Variants in NRP2 observed in about 807,000 individuals in gnomAD.
NRP2 encodes neuropilin 2, also known as neuropilin-2.
In NRP2, 52 loss-of-function variants were observed where a neutral mutation model predicts 110.4. That is an observed-to-expected ratio of 0.47 (90% CI 0.38 to 0.59). The LOEUF (loss-of-function observed/expected upper bound fraction) is 0.59. Among genes scored for constraint, NRP2 ranks in the 20% least tolerant of loss-of-function variants. The probability of loss-of-function intolerance (pLI) is 0.00; values close to 1 mark genes in which losing one functional copy is unlikely to be tolerated. For missense variants in NRP2, 1,049 were observed against 1,203.0 expected, an observed-to-expected ratio of 0.87 and a Z score of 1.89; for synonymous variants, 508 against 468.9, an observed-to-expected ratio of 1.08 and a Z score of -1.08.
intron 1 of NRP2, among the ~76,000 whole-genome samples, chr2:205,684,742 T>C (rs2056104230): frequency 1.3e-5 from 2 of 152,178 alleles, no homozygotes; most frequent in Non-Finnish European, 2.9e-5. Flanking sequence ...TTGGGGAGAT[T>C]TTCTGGGCCT....
In NRP2 at chr2:205,725,887, T is replaced by G; in HGVS notation, c.821-26T>G. 5 of 1,613,460 alleles carry G rather than the reference T, an allele frequency of 3.1e-6. No individual in the cohort carries two copies. Among genetic ancestry groups the G allele is most frequent in the Non-Finnish European group, 4.2e-6 (5 of 1,179,960 alleles). On this transcript the variant is annotated intron_variant, in intron 5 of 16. Transcript: ENST00000357785. This position sits in a 1 kb window ranked among gnomAD's most constrained non-coding sequence, Gnocchi z 4.1. ...GAGGTATGAGGTTGGAAGGCCTAACTGCATTTGACCGTCTGCTTTCCCCAG... is the reference window on the plus strand; with the variant it reads ...GAGGTATGAGGTTGGAAGGCCTAACGGCATTTGACCGTCTGCTTTCCCCAG...
At chr2:205,729,479 C>T (rs935226836) in intron 7 of NRP2, among the ~76,000 whole-genome samples, 46 of 152,156 alleles carry the variant, frequency 3.0e-4, no homozygotes, top group Non-Finnish European at 8.8e-5. Context: ...CTGGTTCCAC[C>T]CCACCCTTTT....
chr2:205,696,201 G>A (rs2056422368), intron 1 of NRP2, among the ~76,000 whole-genome samples: 2 of 152,204 alleles, frequency 1.3e-5, no homozygotes, highest in Non-Finnish European at 2.9e-5. Context: ...CAGGCCGGTA[G>A]TCTAAAGCAG....
intron 3 of NRP2, among the ~76,000 whole-genome samples, chr2:205,718,932 A>G (rs1209906698): frequency 9.5e-6 from 1 of 105,650 alleles, no homozygotes; most frequent in African/African-American, 3.3e-5. Context: ...ACAAGAGCGA[A>G]ATTCCATCTC....
In NRP2 at chr2:205,745,839, T is replaced by C; in HGVS notation, c.1735T>C (p.Ser579Pro). The change falls in exon 10 of 17, where the codon TCG (serine) becomes CCG (proline). Residue 579 changes from serine (S) to proline (P), a missense_variant. Coordinates refer to ENST00000357785, the MANE Select transcript of NRP2 (RefSeq NM_003872.3). ...TGTGCGGGTATACCCGGAGAGGTGG[T>C]CGCCGGCGGGGATTGGGATGCGGCT... Reference protein sequence around the residue: ...QYVRVYPERWSPAGIGMRLEV... With the variant: ...QYVRVYPERWPPAGIGMRLEV... The C allele has an allele frequency of 6.2e-7, 1 of 1,614,194 alleles. No individual in the cohort carries two copies. Among genetic ancestry groups the C allele is most frequent in the Non-Finnish European group, 8.5e-7 (1 of 1,180,014 alleles).
chr2:205,776,727 T>C, intron 15 of NRP2: 2 of 1,474,578 alleles, frequency 1.4e-6, no homozygotes, highest in South Asian at 2.8e-5. Context: ...TTTTTCCTTT[T>C]TGTTGATTCC....
chr2:205,782,351 C>A (rs773780397), intron 15 of NRP2, among the ~76,000 whole-genome samples: 8 of 152,088 alleles, frequency 5.3e-5, no homozygotes, highest in Non-Finnish European at 1.2e-4. Context: ...CCTCTTTTCT[C>A]GGAGTTTCAT....
chr2:205,716,070 C>A, intron 2 of NRP2, 123 bp from the exon 3 acceptor site: 1 of 1,036,626 alleles, frequency 9.6e-7, no homozygotes, highest in Non-Finnish European at 1.5e-6. Context: ...AAGTGCCCTT[C>A]GCTTATCCAT....
chr2:205,743,754 T>C, intron 9 of NRP2: 1 of 1,189,350 alleles, frequency 8.4e-7, no homozygotes, highest in African/African-American at 1.5e-5. Context: ...GTTTGTTTGT[T>C]TGTTTGTTTT....
intron 13 of NRP2, among the ~76,000 whole-genome samples, chr2:205,764,786 A>G (rs2057886747): frequency 1.3e-5 from 2 of 151,844 alleles, no homozygotes; most frequent in South Asian, 4.2e-4. Context: ...GACCTTCCCC[A>G]CCCCCATCTG....
chr2:205,740,069 C>T (rs1235397733), intron 7 of NRP2: 1 of 273,214 alleles, frequency 3.7e-6, no homozygotes, highest in Non-Finnish European at 7.1e-6. Context: ...CCGTGAAGCA[C>T]TTTGCAATTA....
intron 2 of NRP2, among the ~76,000 whole-genome samples, chr2:205,710,932 T>C (rs1428461131): frequency 6.6e-6 from 1 of 152,244 alleles, no homozygotes; most frequent in African/African-American, 2.4e-5. Flanking sequence ...ATTTTAATTA[T>C]AGTTGATTTG....
rs746130411 is a variant in NRP2 at position 205,745,852 on chromosome 2, T to C, written c.1748T>C (p.Ile583Thr). 1.9e-6 allele frequency: 3 copies of C among 1,614,128 alleles called. No individual in the cohort carries two copies. The highest frequency in any genetic ancestry group is 2.2e-5 in the South Asian group (2 of 91,080). The change falls in exon 10 of 17, where the codon ATT becomes ACT. Residue 583 changes from isoleucine to threonine, a missense_variant. Coordinates refer to ENST00000357785, the MANE Select transcript of NRP2 (RefSeq NM_003872.3). The part of the protein sequence containing the change: ...VYPERWSPAG[I>T]GMRLEVLGCD... ...CCGGAGAGGTGGTCGCCGGCGGGGA[T>C]TGGGATGCGGCTGGAGGTGCTGGGC...
intron 7 of NRP2, among the ~76,000 whole-genome samples, chr2:205,739,251 T>C (rs2057398722): frequency 6.6e-6 from 1 of 152,198 alleles, no homozygotes; most frequent in Admixed American, 6.5e-5. Context: ...GCTTAAAACC[T>C]AAAAACTTGG....
chr2:205,743,189 T>C lies in NRP2; in HGVS notation c.1292-14T>C. On this transcript the variant is annotated splice_polypyrimidine_tract_variant and intron_variant, in intron 8 of 16. Transcript: ENST00000357785. ...TCAGCCATGACCTCTTGTATCTTCCTCTCCTCTCTGCAGATGCTCCCTGCT... is the reference window on the plus strand; with the variant it reads ...TCAGCCATGACCTCTTGTATCTTCCCCTCCTCTCTGCAGATGCTCCCTGCT... The C allele has an allele frequency of 6.2e-7, 1 of 1,608,770 alleles. No homozygotes were observed. The highest frequency in any genetic ancestry group is 8.5e-7 in the Non-Finnish European group (1 of 1,179,962).
Position 205,795,000 on chromosome 2 carries a change from A to G in NRP2, c.2723A>G (p.Tyr908Cys), listed in dbSNP as rs755165430. 2 of 1,614,076 alleles carry G rather than the reference A, an allele frequency of 1.2e-6. No individual in the cohort carries two copies. Among genetic ancestry groups the G allele is most frequent in the South Asian group, 1.1e-5 (1 of 91,086 alleles). ...TTLENYNFEL[Y>C]DGLKHKVKMN... ...CTGGAGAACTACAACTTCGAGCTCT[A>G]CGATGGCCTTAAGCACAAGGTCAAG... The change falls in exon 17 of 17, where the codon TAC (tyrosine) becomes TGC (cysteine). Residue 908 changes from tyrosine to cysteine, a missense_variant. Physicochemically the swap from Tyr to Cys is radical, Grantham distance 194. Coordinates refer to ENST00000357785, the MANE Select transcript of NRP2 (RefSeq NM_003872.3).
chr2:205,700,695 G>T (rs761835424), intron 2 of NRP2: 1 of 518,788 alleles, frequency 1.9e-6, no homozygotes, highest in Non-Finnish European at 3.8e-6. Context: ...TATTAACTTT[G>T]TTCCATTGAA....
rs183595897 is a variant in NRP2, at chr2:205,752,511, G to A, written c.1904-324G>A. 266 of 364,942 alleles carry A rather than the reference G, an allele frequency of 7.3e-4. 1 individual carries two copies. Among genetic ancestry groups the A allele is most frequent in the African/African-American group, 5.4e-3 (257 of 47,660 alleles). The allele number at this position is 364,942 out of a possible 1,614,324, so 22.6% of individuals were successfully genotyped here. On this transcript the variant is annotated intron_variant, in intron 11 of 16. Transcript: ENST00000357785. Reference sequence around the variant, plus strand: ...GGGAGACATTCTTCTCTGGCATTTAGGGAACAGCAATTTTCACATTTGTCT... The same window carrying A: ...GGGAGACATTCTTCTCTGGCATTTAAGGAACAGCAATTTTCACATTTGTCT...
chr2:205,790,264 A>T (rs1276111639), intron 15 of NRP2, among the ~76,000 whole-genome samples: 1 of 152,236 alleles, frequency 6.6e-6, no homozygotes, highest in Admixed American at 6.5e-5. Flanking sequence ...CTCCAGAGAC[A>T]AGAGGCCGTG....
Sources: allele counts gnomAD v4.1 joint callset (sites outside exome capture counted in the v4.1 genomes callset), GRCh38; gene constraint gnomAD v4.1.1; non-coding constraint Gnocchi (gnomAD v3.1); transcripts MANE v1.5; gene names NCBI Gene and HGNC (gene_info 2026-07-23, HGNC 2026-07-21).